The following HSD17B6 variants were observed in gnomAD, a reference collection of about 807,000 sequenced individuals.
HSD17B6 encodes 17-beta-hydroxysteroid dehydrogenase type 6.
In HSD17B6, 16 loss-of-function variants were observed where a neutral mutation model predicts 26.4. The observed-to-expected ratio is 0.61, with a 90% confidence interval of 0.41 to 0.92. The LOEUF is 0.92. HSD17B6 is among the 40% of genes least tolerant of loss of function. The pLI is 0.00. For missense variants in HSD17B6, 357 were observed against 386.1 expected (o/e 0.92, Z 0.63); for synonymous variants, 139 against 153.0 (o/e 0.91, Z 0.68).
At chr12:56,773,743 C>T in intron 1 of HSD17B6, 91 bp from the exon 2 acceptor site, 3 of 1,204,100 alleles carry the variant, frequency 2.5e-6, no homozygotes, top group African/African-American at 1.5e-5. Context: ...GTCCCTATCA[C>T]CTAGTGCAAT....
At chr12:56,785,890 T>A (rs1214157025) in intron 4 of HSD17B6, 4 of 940,894 alleles carry the variant, frequency 4.3e-6, no homozygotes, top group Non-Finnish European at 1.3e-6. Flanking sequence ...AGGCTATATT[T>A]CTCTTGTTCA....
In HSD17B6 at chr12:56,784,838, G is replaced by C; in HGVS notation, c.573-15G>C. 1 of 1,610,132 alleles carries C rather than the reference G, an allele frequency of 6.2e-7. No individual in the cohort carries two copies. Among genetic ancestry groups the C allele is most frequent in the Non-Finnish European group, 8.5e-7 (1 of 1,178,930 alleles). ...GTGGTGGTCTTTAATCATAACTTGT[G>C]GGGTTTTATTTCAGGCGTGAGATTC... On this transcript the variant is annotated splice_polypyrimidine_tract_variant and intron_variant, in intron 3 of 4. Transcript: ENST00000322165.
chr12:56,770,850 C>A (rs982862418), intron 1 of HSD17B6, among the ~76,000 whole-genome samples: 1 of 152,068 alleles, frequency 6.6e-6, no homozygotes, highest in Non-Finnish European at 1.5e-5. Flanking sequence ...CATTTTTTGT[C>A]CCCTCTGTCT....
In HSD17B6 at chr12:56,782,027, G is replaced by C; in HGVS notation, c.367G>C (p.Glu123Gln). ...CATTCTTACACCAATTACCTTATGT[G>C]AGTGGCTGAACACTGAGGACTCTAT... ...AGILTPITLCEWLNTEDSMNM... is the reference protein window; with the variant it reads ...AGILTPITLCQWLNTEDSMNM... Residue 123 changes from glutamate to glutamine, a missense_variant, in exon 3 of 5, where the codon GAG (glutamate) becomes CAG (glutamine). By Grantham distance (29) the Glu-to-Gln change is conservative. Coordinates refer to ENST00000322165, the MANE Select transcript of HSD17B6 (RefSeq NM_003725.4). 6.2e-7 allele frequency: 1 copy of C among 1,614,150 alleles called. No individual in the cohort carries two copies. The highest frequency in any genetic ancestry group is 8.5e-7 in the Non-Finnish European group (1 of 1,180,030).
At chr12:56,777,822 C>T (rs1954626076) in intron 2 of HSD17B6, among the ~76,000 whole-genome samples, 1 of 152,214 alleles carries the variant, frequency 6.6e-6, no homozygotes, top group Admixed American at 6.5e-5. Context: ...AGGAGTTCAA[C>T]ACCAGCCTGG....
intron 3 of HSD17B6, among the ~76,000 whole-genome samples, chr12:56,783,122 T>A (rs1323029776): frequency 6.6e-6 from 1 of 152,212 alleles, no homozygotes; most frequent in Non-Finnish European, 1.5e-5. Flanking sequence ...AAAACCGCCA[T>A]CGTCATCATG....
intron 3 of HSD17B6, among the ~76,000 whole-genome samples, chr12:56,783,702 A>C (rs1329853324): frequency 1.7e-5 from 2 of 120,162 alleles, no homozygotes; most frequent in East Asian, 2.6e-4. Flanking sequence ...GACCCCCCTC[A>C]CCTCCCTCCC....
At chr12:56,785,294 G>A (rs1022279242) in intron 4 of HSD17B6, among the ~76,000 whole-genome samples, 3 of 152,234 alleles carry the variant, frequency 2.0e-5, no homozygotes, top group Middle Eastern at 3.4e-3. Context: ...CAGCATATGG[G>A]AACCACCCCC....
At chr12:56,786,245 G>A (rs929633371) in intron 4 of HSD17B6, among the ~76,000 whole-genome samples, 40 of 144,816 alleles carry the variant, frequency 2.8e-4, no homozygotes, top group African/African-American at 9.5e-4. Flanking sequence ...GAATTAAGTT[G>A]TGTGTTTTTT....
chr12:56,769,551 A>C (rs1164455561), intron 1 of HSD17B6, among the ~76,000 whole-genome samples: 1 of 152,238 alleles, frequency 6.6e-6, no homozygotes, highest in Non-Finnish European at 1.5e-5. Flanking sequence ...AACTCATTAA[A>C]TAAAATTAAC....
chr12:56,764,140 A>G (rs1371830653), intron 1 of HSD17B6, among the ~76,000 whole-genome samples: 1 of 152,040 alleles, frequency 6.6e-6, no homozygotes, highest in South Asian at 2.1e-4. Context: ...AAAAGAAAAA[A>G]CAATTATTGA....
chr12:56,782,200 G>A lies in HSD17B6; in HGVS notation c.540G>A (p.Lys180=). ...TTGTAGGAGGCTACTGTGTCTCCAA[G>A]TATGGAGTGGAAGCCTTTTCAGATA... ...AFFVGGYCVS[K]YGVEAFSDIL... The change falls in exon 3 of 5, where the codon AAG becomes AAA. Residue 180 remains lysine, a synonymous_variant. Coordinates refer to ENST00000322165, the MANE Select transcript of HSD17B6 (RefSeq NM_003725.4). The A allele has an allele frequency of 1.9e-6, 3 of 1,614,146 alleles. No homozygotes were observed. Among genetic ancestry groups the A allele is most frequent in the East Asian group, 2.2e-5 (1 of 44,882 alleles).
At chr12:56,777,711 A>G (rs1044190553) in intron 2 of HSD17B6, among the ~76,000 whole-genome samples, 3 of 152,140 alleles carry the variant, frequency 2.0e-5, no homozygotes, top group African/African-American at 7.2e-5. Context: ...TTGAAAATTT[A>G]CTGATTTGAC....
At chr12:56,763,827 A>G (rs550504236) in intron 1 of HSD17B6, among the ~76,000 whole-genome samples, 1 of 152,114 alleles carries the variant, frequency 6.6e-6, no homozygotes, top group South Asian at 2.1e-4. Flanking sequence ...CAGAACTCTG[A>G]GAGGTTGAGG....
intron 1 of HSD17B6, among the ~76,000 whole-genome samples, chr12:56,767,733 T>G (rs936479548): frequency 6.9e-6 from 1 of 145,330 alleles, no homozygotes; most frequent in Non-Finnish European, 1.5e-5. Flanking sequence ...ATATATAATA[T>G]ATATGTATTA....
intron 2 of HSD17B6, among the ~76,000 whole-genome samples, chr12:56,780,547 G>A (rs572644676): frequency 3.9e-5 from 6 of 152,056 alleles, no homozygotes; most frequent in African/African-American, 1.2e-4. Context: ...GTTCTCCTCT[G>A]CCTTTGCCTC....
chr12:56,785,883 C>T, intron 4 of HSD17B6: 2 of 896,722 alleles, frequency 2.2e-6, no homozygotes, highest in Non-Finnish European at 2.7e-6. Context: ...TTCCCTGAGG[C>T]TATATTTCTC....
At chr12:56,779,575 T>G (rs1405972822) in intron 2 of HSD17B6, among the ~76,000 whole-genome samples, 1 of 152,246 alleles carries the variant, frequency 6.6e-6, no homozygotes, top group African/African-American at 2.4e-5. Context: ...TTGAAAGTAC[T>G]ATAATATTCT....
chr12:56,783,336 C>A lies in HSD17B6; in HGVS notation c.572+1104C>A, dbSNP rs1216097426. Among the ~76,000 whole-genome samples, 13 of 139,108 alleles carry A rather than the reference C, an allele frequency of 9.3e-5. No individual in the cohort carries two copies. In the East Asian group the frequency reaches 1.6e-3, roughly 18 times the overall value. 91.3% of individuals were successfully genotyped at this position (139,108 alleles called of 152,430 possible). On this transcript the variant is annotated intron_variant, in intron 3 of 4. Coordinates refer to ENST00000322165, the MANE Select transcript of HSD17B6 (RefSeq NM_003725.4). ...GGGGGCTGAGCCCCCCACCTCCCTCCCGGACGGGGCGGCTGGCCGGGCAGG... is the reference window on the plus strand; with the variant it reads ...GGGGGCTGAGCCCCCCACCTCCCTCACGGACGGGGCGGCTGGCCGGGCAGG...
Sources: allele counts gnomAD v4.1 joint callset (sites outside exome capture counted in the v4.1 genomes callset), GRCh38; gene constraint gnomAD v4.1.1; transcripts MANE v1.5; gene names NCBI Gene and HGNC (gene_info 2026-07-23, HGNC 2026-07-21).